KDM1B: variants seen among roughly 807,000 people sequenced by gnomAD.
The protein encoded by KDM1B is lysine demethylase 1B, also known as lysine-specific histone demethylase 2.
KDM1B carries 63 observed loss-of-function variants against 107.4 expected under a neutral mutation model. The ratio of observed to expected loss-of-function variants is 0.59; its 90% CI spans 0.48 to 0.72. The LOEUF is 0.72. Ranked by LOEUF, KDM1B falls within the 30% of genes least tolerant of loss-of-function variation. The probability of loss-of-function intolerance (pLI) is 0.00; values close to 1 mark genes in which losing one functional copy is unlikely to be tolerated. For missense variants in KDM1B, 749 were observed against 1,020.8 expected, an observed-to-expected ratio of 0.73 and a Z score of 3.63; for synonymous variants, 363 against 363.9, an observed-to-expected ratio of 1.00 and a Z score of 0.03.
intron 7 of KDM1B, among the ~76,000 whole-genome samples, chr6:18,174,825 T>C (rs1455055414): frequency 2.0e-5 from 3 of 152,200 alleles, no homozygotes; most frequent in African/African-American, 7.2e-5. Flanking sequence ...TAGTCCATCA[T>C]ATATATATGT....
chr6:18,171,299 A>G, intron 6 of KDM1B, 64 bp from the exon 7 acceptor site: 1 of 842,194 alleles, frequency 1.2e-6, no homozygotes, highest in Non-Finnish European at 2.1e-6. Context: ...CAAGTGGTGG[A>G]GGATAGAAAT....
intron 7 of KDM1B, among the ~76,000 whole-genome samples, chr6:18,179,774 C>T (rs12206891): frequency 0.17 from 25,487 of 149,582 alleles, 2,298 homozygotes; most frequent in African/African-American, 0.21. Flanking sequence ...GAAGCATTGA[C>T]CTGAGCCTGG....
rs142887639 is a variant in KDM1B at position 18,198,347 on chromosome 6, T to G, written c.1221+686T>G. Among the ~76,000 whole-genome samples, 915 of 151,218 alleles carry G rather than the reference T, an allele frequency of 6.1e-3. 7 individuals carry two copies. The highest frequency in any genetic ancestry group is 0.021 in the African/African-American group (863 of 40,576). On this transcript the variant is annotated intron_variant, in intron 12 of 21. Coordinates refer to ENST00000650836, the MANE Select transcript of KDM1B (RefSeq NM_001364614.2). ...CTGAAATACTCAGTTCTAAGTTTTT[T>G]TTTTAAATCTATTTATTTATTTTGA... is the stretch of plus-strand genomic sequence containing the variant.
intron 8 of KDM1B, 69 bp from the exon 9 acceptor site, chr6:18,187,723 C>A (rs759021247): frequency 1.9e-6 from 2 of 1,049,244 alleles, no homozygotes; most frequent in Non-Finnish European, 2.9e-6. Context: ...ACCCTCTGTC[C>A]CTGGCAGAAT....
In KDM1B at chr6:18,214,503, C is replaced by T. The variant is rs1789074982; in HGVS notation, c.2110-504C>T. ...TACATTTCTTAGTGTTTTTCTTTTC[C>T]AGCAGGAAGCAATAGAGTGGATGGA... On this transcript the variant is annotated intron_variant, in intron 19 of 21. Coordinates refer to ENST00000650836, the MANE Select transcript of KDM1B (RefSeq NM_001364614.2). The surrounding 1 kb of genome is among the most constrained non-coding windows in gnomAD (Gnocchi z 4.4). Among the ~76,000 whole-genome samples the T allele has an allele frequency of 6.6e-6, 1 of 152,098 alleles. No homozygotes were observed. Among genetic ancestry groups the T allele is most frequent in the African/African-American group, 2.4e-5 (1 of 41,410 alleles).
In KDM1B at chr6:18,218,742, ACTGT is replaced by A. The variant is rs548953834; in HGVS notation, c.2385+861_2385+864del. Among the ~76,000 whole-genome samples, 49 of 152,128 alleles carry A rather than the reference ACTGT, an allele frequency of 3.2e-4. No homozygotes were observed. In the East Asian group the frequency reaches 8.1e-3, roughly 25 times the overall value. ...GGTTTGTCTCTCATTTACAGTTGAC[ACTGT>A]CTGAGCTGGCCAGCTAGCTCCAGTC... On this transcript the variant is annotated intron_variant, in intron 21 of 21. Coordinates refer to ENST00000650836, the MANE Select transcript of KDM1B (RefSeq NM_001364614.2).
In KDM1B at chr6:18,199,008, GAA is replaced by G. The variant is rs70974711; in HGVS notation, c.1221+1371_1221+1372del. ...ACATGGCAAAACCCTGTCTCTACCA[GAA>G]AAAAAAAAAAAAAAAAAAAAAAAGA... On this transcript the variant is annotated intron_variant, in intron 12 of 21. Transcript: ENST00000650836. 3.6e-3 allele frequency among the ~76,000 whole-genome samples: 271 copies of G among 74,682 alleles called. 4 individuals carry two copies. The East Asian group carries it at 0.094, about 26-fold the overall frequency. 49.0% of individuals were successfully genotyped at this position (74,682 alleles called of 152,430 possible). A position where few individuals can be genotyped will look rare whatever the true frequency, so the allele number is the denominator to read the frequency against.
rs1480431546 is a variant in KDM1B at position 18,213,589 on chromosome 6, G to C, written c.1984-67G>C. ...TTTTAGAGTAGAGCTACAGGTTGCT[G>C]CTTAGATATTGCCTGTGGTTTTGTG... On this transcript the variant is annotated intron_variant, in intron 18 of 21. Transcript: ENST00000650836. The surrounding 1 kb of genome is among the most constrained non-coding windows in gnomAD (Gnocchi z 5.9). 5.7e-6 allele frequency: 9 copies of C among 1,567,710 alleles called. No individual in the cohort carries two copies. The highest frequency in any genetic ancestry group is 7.9e-6 in the Non-Finnish European group (9 of 1,139,592).
chr6:18,187,732 A>T, intron 8 of KDM1B, 60 bp from the exon 9 acceptor site: 1 of 1,136,586 alleles, frequency 8.8e-7, no homozygotes, highest in Non-Finnish European at 1.3e-6. Context: ...CCCTGGCAGA[A>T]TCTGCATGTA....
rs900180667 is a variant in KDM1B at position 18,203,722 on chromosome 6, G to A, written c.1532-1815G>A. ...ACAAAAATTAGTCGAGCATGGTGGTGCATGCCTGTAATCCCAGGTATTTGG... is the reference window on the plus strand; with the variant it reads ...ACAAAAATTAGTCGAGCATGGTGGTACATGCCTGTAATCCCAGGTATTTGG... On this transcript the variant is annotated intron_variant, in intron 14 of 21. Coordinates refer to ENST00000650836, the MANE Select transcript of KDM1B (RefSeq NM_001364614.2). This position sits in a 1 kb window ranked among gnomAD's most constrained non-coding sequence, Gnocchi z 5.5. 2.0e-5 allele frequency among the ~76,000 whole-genome samples: 3 copies of A among 151,970 alleles called. No homozygotes were observed. Among genetic ancestry groups the A allele is most frequent in the African/African-American group, 4.8e-5 (2 of 41,384 alleles).
chr6:18,222,257 G>A lies in KDM1B; in HGVS notation c.*265G>A, dbSNP rs1582237106. The stretch of plus-strand genomic sequence containing the variant: ...GATTTCAGAATAAAGCAGAATGTAA[G>A]TTTCAGTTGAGGCCATGGATTTGAT... On this transcript the variant is annotated 3_prime_UTR_variant, in exon 22 of 22. Coordinates refer to ENST00000650836, the MANE Select transcript of KDM1B (RefSeq NM_001364614.2). The A allele has an allele frequency of 1.8e-6, 1 of 561,672 alleles. No individual in the cohort carries two copies. The highest frequency in any genetic ancestry group is 3.4e-6 in the Non-Finnish European group (1 of 298,112). 34.8% of individuals were successfully genotyped at this position (561,672 alleles called of 1,614,324 possible). A position where few individuals can be genotyped will look rare whatever the true frequency, so the allele number is the denominator to read the frequency against.
intron 16 of KDM1B, 78 bp downstream of exon 16, chr6:18,207,607 G>A: frequency 1.3e-6 from 2 of 1,561,188 alleles, no homozygotes; most frequent in Non-Finnish European, 1.8e-6. Flanking sequence ...GGCTCACGCA[G>A]GAGAATGGGG....
At position 18,175,345 on chromosome 6, in the gene KDM1B, AATG is replaced by A. The variant is rs369853621; in HGVS notation, c.534+3869_534+3871del. Among the ~76,000 whole-genome samples, 943 of 151,980 alleles carry A rather than the reference AATG, an allele frequency of 6.2e-3. 7 individuals carry two copies. Among genetic ancestry groups the A allele is most frequent in the African/African-American group, 0.022 (914 of 41,472 alleles). On this transcript the variant is annotated intron_variant, in intron 7 of 21. Transcript: ENST00000650836. ...TTTTTGATGGGGTTGTTTTTCTCTT[AATG>A]ATTTGTTTGAGTTCATTGTAGATTC...
rs116083521 is a variant in KDM1B, at chr6:18,176,092, G to A, written c.534+4613G>A. On this transcript the variant is annotated intron_variant, in intron 7 of 21. Transcript: ENST00000650836. ...TTCACAACATTGATTCTACCCATCC[G>A]TGAGCATCCATTTGTTTGTGTTGTC... Among the ~76,000 whole-genome samples the A allele has an allele frequency of 3.9e-3, 599 of 151,972 alleles. 5 individuals are homozygous for A. Among genetic ancestry groups the A allele is most frequent in the African/African-American group, 0.013 (552 of 41,492 alleles).
chr6:18,219,981 G>T (rs1209519755), intron 21 of KDM1B, among the ~76,000 whole-genome samples: 2 of 152,182 alleles, frequency 1.3e-5, no homozygotes, highest in Non-Finnish European at 2.9e-5. Flanking sequence ...TGTGGTGAGG[G>T]ATGTATTAAT....
intron 7 of KDM1B, among the ~76,000 whole-genome samples, chr6:18,174,644 A>C (rs1785875992): frequency 6.7e-6 from 1 of 148,580 alleles, no homozygotes; most frequent in Admixed American, 6.7e-5. Flanking sequence ...CCCAAAGTTC[A>C]TTGTGTCATT....
At chr6:18,160,390 GA>G (rs1554140035) in intron 3 of KDM1B, among the ~76,000 whole-genome samples, 1 of 152,066 alleles carries the variant, frequency 6.6e-6, no homozygotes, top group African/African-American at 2.4e-5. Flanking sequence ...TCTTTTAAAA[GA>G]AAAAATTGAA....
intron 7 of KDM1B, among the ~76,000 whole-genome samples, chr6:18,180,400 A>G (rs989583578): frequency 1.3e-5 from 2 of 152,192 alleles, no homozygotes; most frequent in Non-Finnish European, 2.9e-5. Context: ...AGTTCAGCCA[A>G]GCAACAATAA....
intron 6 of KDM1B, among the ~76,000 whole-genome samples, chr6:18,171,115 T>C (rs758969116): frequency 3.3e-5 from 5 of 152,194 alleles, no homozygotes; most frequent in African/African-American, 1.2e-4. Flanking sequence ...CCACTGCACC[T>C]GGCCTAGAAA....
Sources: allele counts gnomAD v4.1 joint callset (sites outside exome capture counted in the v4.1 genomes callset), GRCh38; gene constraint gnomAD v4.1.1; non-coding constraint Gnocchi (gnomAD v3.1); transcripts MANE v1.5; gene names NCBI Gene and HGNC (gene_info 2026-07-23, HGNC 2026-07-21).